The following MALRD1 variants were observed in gnomAD, a reference collection of about 807,000 sequenced individuals.
The protein encoded by MALRD1 is MAM and LDL receptor class A domain containing 1.
A neutral mutation model predicts 242.1 loss-of-function variants in MALRD1; 247 were observed. The ratio of observed to expected loss-of-function variants is 1.02; its 90% CI spans 0.92 to 1.13. The LOEUF (loss-of-function observed/expected upper bound fraction) is 1.13. Among genes scored for constraint, MALRD1 ranks in the 50% most tolerant of loss-of-function variants. The pLI, the probability that MALRD1 is intolerant of heterozygous loss-of-function variation, is 0.00. For missense variants in MALRD1, 2,989 were observed against 2,533.1 expected, an observed-to-expected ratio of 1.18 and a Z score of -3.86; for synonymous variants, 995 against 866.6, an observed-to-expected ratio of 1.15 and a Z score of -2.60.
At chr10:19,443,184 A>G (rs1284788832) in intron 28 of MALRD1, among the ~76,000 whole-genome samples, 1 of 151,654 alleles carries the variant, frequency 6.6e-6, no homozygotes, top group Non-Finnish European at 1.5e-5. Flanking sequence ...TCATTTTTTT[A>G]TTGCATCTAT....
At chr10:19,319,556 T>C (rs1002166705) in intron 21 of MALRD1, among the ~76,000 whole-genome samples, 2 of 152,100 alleles carry the variant, frequency 1.3e-5, no homozygotes, top group Non-Finnish European at 2.9e-5. Flanking sequence ...TAACAAAAAA[T>C]CTCATAAACA....
chr10:19,400,088 A>G (rs983785475), intron 28 of MALRD1, among the ~76,000 whole-genome samples: 1 of 152,146 alleles, frequency 6.6e-6, no homozygotes, highest in African/African-American at 2.4e-5. Flanking sequence ...TTAAACATAT[A>G]TTTAGTGAGC....
intron 1 of MALRD1, among the ~76,000 whole-genome samples, chr10:19,055,163 A>G (rs1212791566): frequency 1.3e-5 from 2 of 152,214 alleles, no homozygotes; most frequent in African/African-American, 4.8e-5. Flanking sequence ...ATACTGAAAA[A>G]TTTTTTAATG....
At chr10:19,588,450 G>A (rs1185886768) in intron 33 of MALRD1, among the ~76,000 whole-genome samples, 4 of 152,160 alleles carry the variant, frequency 2.6e-5, no homozygotes, top group Non-Finnish European at 4.4e-5. Flanking sequence ...GAGTGTCCAA[G>A]CTCTATTTGA....
At position 19,600,823 on chromosome 10, in the gene MALRD1, C is replaced by A. The variant is rs181903839; in HGVS notation, c.5944+5366C>A. On this transcript the variant is annotated intron_variant, in intron 34 of 39. Coordinates refer to ENST00000454679, the MANE Select transcript of MALRD1 (RefSeq NM_001142308.3). ...GCACAAAATGCCCTGTGTTACTTAG[C>A]CTATTTTGTTAAGAAAGAATACCAA... 1.5e-4 allele frequency among the ~76,000 whole-genome samples: 23 copies of A among 152,116 alleles called. No homozygotes were observed. In the East Asian group the frequency reaches 4.3e-3, roughly 28 times the overall value.
chr10:19,730,038 A>G (rs1447706961), intron 38 of MALRD1, among the ~76,000 whole-genome samples: 1 of 151,962 alleles, frequency 6.6e-6, no homozygotes, highest in African/African-American at 2.4e-5. Flanking sequence ...CGCCCGGCCT[A>G]TAAGTCTATT....
intron 24 of MALRD1, among the ~76,000 whole-genome samples, chr10:19,334,098 G>T (rs1189206306): frequency 1.9e-5 from 2 of 107,278 alleles, no homozygotes; most frequent in African/African-American, 7.1e-5. Context: ...CTTGTAGGTT[G>T]TCTGTTTACT....
chr10:19,312,378 GTATA>G (rs112120220), intron 21 of MALRD1, among the ~76,000 whole-genome samples: 46 of 137,542 alleles, frequency 3.3e-4, no homozygotes, highest in African/African-American at 6.8e-4. Flanking sequence ...AGAGGAATGT[GTATA>G]TATATATATA....
rs150590886 is a variant in MALRD1 at position 19,488,855 on chromosome 10, C to T, written c.5030-2662C>T. Reference sequence around the variant, plus strand: ...AAAGAAGTCAAATGTCATGAATGACCTTCCTGCAGAGTTAGGATTTTTGTT... The same window carrying T: ...AAAGAAGTCAAATGTCATGAATGACTTTCCTGCAGAGTTAGGATTTTTGTT... On this transcript the variant is annotated intron_variant, in intron 29 of 39. Coordinates refer to ENST00000454679, the MANE Select transcript of MALRD1 (RefSeq NM_001142308.3). The T allele has an allele frequency of 1.8e-3, 614 of 350,802 alleles. 5 individuals carry two copies. Among genetic ancestry groups the T allele is most frequent in the African/African-American group, 0.012 (563 of 46,760 alleles). 21.7% of individuals were successfully genotyped at this position (350,802 alleles called of 1,614,324 possible).
chr10:19,105,085 C>G (rs1836417274), intron 5 of MALRD1, among the ~76,000 whole-genome samples: 1 of 151,892 alleles, frequency 6.6e-6, no homozygotes. Flanking sequence ...GTTAACTATA[C>G]TGTGTAATAG....
chr10:19,200,338 T>C (rs1327309583), intron 14 of MALRD1, among the ~76,000 whole-genome samples: 1 of 152,202 alleles, frequency 6.6e-6, no homozygotes, highest in Non-Finnish European at 1.5e-5. Flanking sequence ...GTTTTTGTTT[T>C]ATTTTGTTTT....
intron 28 of MALRD1, among the ~76,000 whole-genome samples, chr10:19,443,445 C>T (rs57260455): frequency 6.6e-6 from 1 of 152,036 alleles, no homozygotes; most frequent in East Asian, 1.9e-4. Flanking sequence ...CCTGCTTTCT[C>T]TTGTGGGCAT....
intron 18 of MALRD1, among the ~76,000 whole-genome samples, chr10:19,249,210 A>G (rs1382308625): frequency 6.6e-6 from 1 of 151,690 alleles, no homozygotes; most frequent in East Asian, 1.9e-4. Context: ...AGGACTTGGA[A>G]ATGCAGGCAT....
At chr10:19,281,691 G>A (rs1840818770) in intron 20 of MALRD1, among the ~76,000 whole-genome samples, 1 of 151,990 alleles carries the variant, frequency 6.6e-6, no homozygotes, top group Non-Finnish European at 1.5e-5. Context: ...ACATAACATG[G>A]CCAGGTGCAG....
chr10:19,402,326 A>T (rs1846894989), intron 28 of MALRD1, among the ~76,000 whole-genome samples: 1 of 152,166 alleles, frequency 6.6e-6, no homozygotes, highest in African/African-American at 2.4e-5. Flanking sequence ...CTTGAATTGT[A>T]ATAATCCCCA....
intron 34 of MALRD1, among the ~76,000 whole-genome samples, chr10:19,596,763 G>A (rs1023217254): frequency 5.0e-5 from 5 of 100,270 alleles, no homozygotes; most frequent in African/African-American, 1.1e-4. Flanking sequence ...AGAAAAGAAC[G>A]AAAGAAAGAG....
At chr10:19,067,848 G>A (rs1564370911) in intron 2 of MALRD1, among the ~76,000 whole-genome samples, 1 of 152,038 alleles carries the variant, frequency 6.6e-6, no homozygotes, top group African/African-American at 2.4e-5. Context: ...AATAATTTTG[G>A]TGTTGCTAAT....
intron 1 of MALRD1, among the ~76,000 whole-genome samples, chr10:19,062,637 A>G (rs1434165934): frequency 6.6e-6 from 1 of 152,226 alleles, no homozygotes; most frequent in Non-Finnish European, 1.5e-5. Flanking sequence ...ACACACAGAA[A>G]AACATACACT....
At chr10:19,305,839 A>C (rs1421832950) in intron 21 of MALRD1, among the ~76,000 whole-genome samples, 5 of 136,888 alleles carry the variant, frequency 3.7e-5, no homozygotes, top group African/African-American at 1.4e-4. Flanking sequence ...TATACTATAT[A>C]TTATGTATAT....
Sources: gnomAD v4.1 joint callset for allele counts (sites outside exome capture counted in the v4.1 genomes callset) on GRCh38, gnomAD v4.1.1 for gene constraint, MANE v1.5 for transcripts, NCBI Gene and HGNC (gene_info 2026-07-23, HGNC 2026-07-21) for gene names.